Variants in TYW5 observed in about 807,000 individuals in gnomAD.
The protein encoded by TYW5 is tRNA wybutosine-synthesizing protein 5.
In TYW5, 36 loss-of-function variants were observed where a neutral mutation model predicts 44.4. The ratio of observed to expected loss-of-function variants is 0.81; its 90% CI spans 0.62 to 1.07. TYW5 has a LOEUF of 1.07. Ranked by LOEUF, TYW5 falls within the 50% of genes least tolerant of loss-of-function variation. The pLI is 0.00. For missense variants in TYW5, 354 were observed against 365.7 expected (o/e 0.97, Z 0.26); for synonymous variants, 121 against 128.1 (o/e 0.94, Z 0.37).
At chr2:199,940,221 C>CAT in intron 3 of TYW5, 88 bp from the exon 4 acceptor site, 1 of 1,178,612 alleles carries the variant, frequency 8.5e-7, no homozygotes, top group Non-Finnish European at 1.2e-6. Context: ...ATCATGTATT[C>CAT]ATAATAATTA....
At position 199,933,332 on chromosome 2, in the gene TYW5, A is replaced by T. The variant is rs1008508891; in HGVS notation, c.692-9T>A. 2.5e-6 allele frequency: 4 copies of T among 1,577,388 alleles called. No individual in the cohort carries two copies. The highest frequency in any genetic ancestry group is 3.4e-6 in the Non-Finnish European group (4 of 1,166,590). On this transcript the variant is annotated splice_polypyrimidine_tract_variant and intron_variant, in intron 7 of 7. Transcript: ENST00000354611. ...ATTATGGAACCATAAAGCTGGAGAA[A>T]GTTTAAAAAACAAGTTAAAAATAAA...
intron 5 of TYW5, among the ~76,000 whole-genome samples, chr2:199,937,064 AT>A (rs2077426371): frequency 6.6e-6 from 1 of 151,732 alleles, no homozygotes; most frequent in Non-Finnish European, 1.5e-5. Flanking sequence ...ATATATATTT[AT>A]TATTGGAGCA....
intron 1 of TYW5, among the ~76,000 whole-genome samples, chr2:199,950,540 C>T: frequency 6.6e-6 from 1 of 152,160 alleles, no homozygotes; most frequent in Non-Finnish European, 1.5e-5. Context: ...CTCTGTGGGT[C>T]TTCCCCGGGT....
intron 1 of TYW5, among the ~76,000 whole-genome samples, chr2:199,952,339 A>G (rs543450829): frequency 6.6e-6 from 1 of 152,326 alleles, no homozygotes; most frequent in East Asian, 1.9e-4. Context: ...CAGTTTCTTC[A>G]GGGCATCACC....
intron 2 of TYW5, 136 bp from the exon 3 acceptor site, chr2:199,943,970 C>A: frequency 1.7e-6 from 1 of 575,212 alleles, no homozygotes; most frequent in East Asian, 3.1e-5. Context: ...TTATTATAAC[C>A]TATTATGTGA....
rs548570571 is a variant in TYW5 at position 199,948,536 on chromosome 2, T to A, written c.79-64A>T. 30 of 1,561,642 alleles carry A rather than the reference T, an allele frequency of 1.9e-5. 1 individual carries two copies. The South Asian group carries it at 3.2e-4, about 16-fold the overall frequency. On this transcript the variant is annotated intron_variant, in intron 1 of 7. Coordinates refer to ENST00000354611, the MANE Select transcript of TYW5 (RefSeq NM_001039693.3). ...ACCAACAACACATCAAGAGCTGTAT[T>A]TGGCAACAGGGAGACAAAAACAAGT...
intron 5 of TYW5, 46 bp from the exon 6 acceptor site, chr2:199,936,538 A>G: frequency 6.6e-7 from 1 of 1,516,086 alleles, no homozygotes; most frequent in Non-Finnish European, 9.1e-7. Context: ...CTAAAATTCA[A>G]ATAAATAGAA....
intron 1 of TYW5, among the ~76,000 whole-genome samples, chr2:199,948,898 ATAT>A (rs945685437): frequency 6.6e-6 from 1 of 152,238 alleles, no homozygotes; most frequent in African/African-American, 2.4e-5. Context: ...AGAGAAGGAC[ATAT>A]TATTATTAAT....
chr2:199,943,010 T>A (rs993799343), intron 3 of TYW5: 1 of 152,176 alleles, frequency 6.6e-6, no homozygotes, highest in East Asian at 1.9e-4. Context: ...GCATGCACCA[T>A]CATGCCCAGC....
At chr2:199,934,836 T>C (rs2077406701) in intron 7 of TYW5, among the ~76,000 whole-genome samples, 1 of 152,096 alleles carries the variant, frequency 6.6e-6, no homozygotes, top group African/African-American at 2.4e-5. Flanking sequence ...CTTGCTGTGT[T>C]GAACTTTATG....
At chr2:199,937,599 G>T (rs560827123) in intron 5 of TYW5, among the ~76,000 whole-genome samples, 1 of 152,156 alleles carries the variant, frequency 6.6e-6, no homozygotes, top group South Asian at 2.1e-4. Context: ...AATCTGGGAG[G>T]GACTGGTTGC....
chr2:199,939,869 T>C (rs2077450673), intron 4 of TYW5, among the ~76,000 whole-genome samples: 1 of 152,194 alleles, frequency 6.6e-6, no homozygotes, highest in Admixed American at 6.5e-5. Context: ...AGGGATTAGA[T>C]GACTATAAAC....
chr2:199,951,870 A>G (rs1375249717), intron 1 of TYW5, among the ~76,000 whole-genome samples: 1 of 152,098 alleles, frequency 6.6e-6, no homozygotes, highest in Non-Finnish European at 1.5e-5. Context: ...CAAAAAAATT[A>G]GCCGGGTGTG....
rs918121234 is a variant in TYW5 at position 199,932,761 on chromosome 2, T to C, written c.*306A>G. The C allele has an allele frequency of 2.9e-5, 8 of 276,904 alleles. 1 individual carries two copies. Among genetic ancestry groups the C allele is most frequent in the Admixed American group, 1.5e-4 (3 of 20,358 alleles). The allele number at this position is 276,904 out of a possible 1,614,324, so 17.2% of individuals were successfully genotyped here. On this transcript the variant is annotated 3_prime_UTR_variant, in exon 8 of 8. Coordinates refer to ENST00000354611, the MANE Select transcript of TYW5 (RefSeq NM_001039693.3). ...GGTTCTTGATGACATTACTGAATCA[T>C]TGGATCAGAAACACTGCAGCACATT...
chr2:199,953,743 CT>C (rs372893993), intron 1 of TYW5, among the ~76,000 whole-genome samples: 1 of 152,120 alleles, frequency 6.6e-6, no homozygotes, highest in African/African-American at 2.4e-5. Flanking sequence ...ATAGAAAGGT[CT>C]TTTTTTCCAA....
chr2:199,952,071 A>G (rs1020752323), intron 1 of TYW5, among the ~76,000 whole-genome samples: 4 of 152,140 alleles, frequency 2.6e-5, no homozygotes, highest in Non-Finnish European at 5.9e-5. Context: ...ATCAGTTCAG[A>G]TATCGCCTTT....
chr2:199,951,593 A>G (rs1180640166), intron 1 of TYW5, among the ~76,000 whole-genome samples: 2 of 152,178 alleles, frequency 1.3e-5, no homozygotes, highest in Non-Finnish European at 2.9e-5. Flanking sequence ...TGATCTCATT[A>G]ATTTTTGGCT....
At chr2:199,948,097 A>C in intron 2 of TYW5, 2 of 459,316 alleles carry the variant, frequency 4.4e-6, no homozygotes, top group Non-Finnish European at 7.6e-6. Flanking sequence ...GTCTCAAAAA[A>C]AATAAAAAAT....
intron 1 of TYW5, among the ~76,000 whole-genome samples, chr2:199,950,844 T>C (rs1227973028): frequency 1.3e-5 from 2 of 152,130 alleles, no homozygotes; most frequent in African/African-American, 4.8e-5. Flanking sequence ...GTAAAGCATA[T>C]GATAATCATA....
Sources: gnomAD v4.1 joint callset for allele counts (sites outside exome capture counted in the v4.1 genomes callset) on GRCh38, gnomAD v4.1.1 for gene constraint, MANE v1.5 for transcripts, NCBI Gene and HGNC (gene_info 2026-07-23, HGNC 2026-07-21) for gene names.